Variants in ANKFN1 observed in about 807,000 individuals in gnomAD.
The protein encoded by ANKFN1 is ankyrin repeat and fibronectin type-III domain-containing protein 1.
ANKFN1 carries 74 observed loss-of-function variants against 108.7 expected under a neutral mutation model. The observed-to-expected ratio is 0.68, with a 90% CI of 0.56 to 0.83. The LOEUF (loss-of-function observed/expected upper bound fraction) is 0.83. Among genes scored for constraint, ANKFN1 ranks in the 40% least tolerant of loss-of-function variants. ANKFN1 has a pLI of 0.00. For missense variants in ANKFN1, 1,505 were observed against 1,382.3 expected (o/e 1.09, Z -1.41); for synonymous variants, 547 against 516.2 (o/e 1.06, Z -0.81).
intron 4 of ANKFN1, among the ~76,000 whole-genome samples, chr17:56,092,316 C>T (rs1447199409): frequency 7.1e-6 from 1 of 140,348 alleles, no homozygotes; most frequent in African/African-American, 2.7e-5. Flanking sequence ...GTCACCCAGG[C>T]TGGAGTGCAG....
At chr17:56,334,340 G>A (rs977891816) in intron 4 of ANKFN1, among the ~76,000 whole-genome samples, 2 of 150,834 alleles carry the variant, frequency 1.3e-5, no homozygotes, top group South Asian at 2.1e-4. Context: ...GGGGAGGGGG[G>A]AAAAGATTAC....
chr17:56,406,355 A>T (rs2047921666), intron 8 of ANKFN1, among the ~76,000 whole-genome samples: 2 of 152,188 alleles, frequency 1.3e-5, no homozygotes, highest in African/African-American at 4.8e-5. Context: ...AATTATTTCA[A>T]TTCTTTCAGG....
At chr17:56,050,859 C>T (rs1468839365) in intron 4 of ANKFN1, among the ~76,000 whole-genome samples, 1 of 151,650 alleles carries the variant, frequency 6.6e-6, no homozygotes, top group Admixed American at 6.6e-5. Flanking sequence ...TCTCCCAAGA[C>T]TAAACCAGGA....
At chr17:56,192,347 A>G (rs1160678821) in intron 1 of ANKFN1, among the ~76,000 whole-genome samples, 1 of 104,860 alleles carries the variant, frequency 9.5e-6, no homozygotes, top group African/African-American at 3.8e-5. Flanking sequence ...GTGGGCAAGG[A>G]CTTCATGTCC....
At chr17:56,138,931 A>G (rs1397910130) in intron 4 of ANKFN1, among the ~76,000 whole-genome samples, 1 of 152,180 alleles carries the variant, frequency 6.6e-6, no homozygotes, top group Admixed American at 6.5e-5. Flanking sequence ...TTAAGCACTC[A>G]TGAGTTCAAC....
intron 11 of ANKFN1, among the ~76,000 whole-genome samples, chr17:56,452,164 CA>C (rs1386410115): frequency 6.6e-6 from 1 of 152,156 alleles, no homozygotes; most frequent in Non-Finnish European, 1.5e-5. Context: ...ATTCAACTTG[CA>C]ATACAATAGT....
chr17:56,242,348 G>T (rs553792721), intron 3 of ANKFN1, among the ~76,000 whole-genome samples: 22 of 152,028 alleles, frequency 1.4e-4, no homozygotes, highest in African/African-American at 4.3e-4. Context: ...ATAACATATT[G>T]TATAATATAC....
chr17:56,407,640 C>T (rs1009417879), intron 8 of ANKFN1, among the ~76,000 whole-genome samples: 4 of 152,014 alleles, frequency 2.6e-5, no homozygotes, highest in South Asian at 2.1e-4. Context: ...AAAGGGAATC[C>T]GACCACTCCC....
At chr17:56,207,758 C>A (rs1266911919) in intron 1 of ANKFN1, among the ~76,000 whole-genome samples, 1 of 152,088 alleles carries the variant, frequency 6.6e-6, no homozygotes, top group Non-Finnish European at 1.5e-5. Flanking sequence ...TTTTCTTTCT[C>A]TTTCTCTTTG....
intron 1 of ANKFN1, among the ~76,000 whole-genome samples, chr17:56,177,128 G>A (rs1376269220): frequency 1.3e-5 from 2 of 152,186 alleles, no homozygotes; most frequent in East Asian, 1.9e-4. Flanking sequence ...TGAATGACAT[G>A]ATTCCAGCCT....
At chr17:56,256,612 A>G (rs548064530) in intron 3 of ANKFN1, among the ~76,000 whole-genome samples, 1 of 152,362 alleles carries the variant, frequency 6.6e-6, no homozygotes, top group East Asian at 1.9e-4. Flanking sequence ...ATGATTAATT[A>G]AAATAAACAT....
chr17:56,386,363 G>A (rs562494028), intron 8 of ANKFN1, among the ~76,000 whole-genome samples: 3 of 151,726 alleles, frequency 2.0e-5, no homozygotes, highest in South Asian at 2.1e-4. Flanking sequence ...GGAGATATAC[G>A]TAATGCTAAA....
At chr17:56,105,068 G>C (rs1051525896) in intron 4 of ANKFN1, among the ~76,000 whole-genome samples, 2 of 152,162 alleles carry the variant, frequency 1.3e-5, no homozygotes, top group African/African-American at 4.8e-5. Flanking sequence ...CATATAATGG[G>C]TGTACAGAGG....
chr17:56,350,988 C>A, intron 5 of ANKFN1, 21 bp downstream of exon 5: 1 of 1,606,468 alleles, frequency 6.2e-7, no homozygotes, highest in South Asian at 1.1e-5. Context: ...TGTTTTTATT[C>A]TTGTGTCAGT....
chr17:56,341,732 A>G (rs1049244358), intron 4 of ANKFN1, among the ~76,000 whole-genome samples: 2 of 150,826 alleles, frequency 1.3e-5, no homozygotes, highest in South Asian at 2.1e-4. Flanking sequence ...GGATTTTTGC[A>G]TCAATGTTCT....
intron 1 of ANKFN1, among the ~76,000 whole-genome samples, chr17:56,171,839 T>A (rs1910720235): frequency 6.6e-6 from 1 of 152,050 alleles, no homozygotes; most frequent in African/African-American, 2.4e-5. Context: ...TACCCTGAGG[T>A]CTTAAGGAAG....
At chr17:56,448,237 TAGAA>T (rs994011382) in intron 10 of ANKFN1, among the ~76,000 whole-genome samples, 5 of 150,042 alleles carry the variant, frequency 3.3e-5, no homozygotes, top group Admixed American at 1.3e-4. Context: ...GGAAAGAAAA[TAGAA>T]GGAAGAAGGG....
intron 1 of ANKFN1, among the ~76,000 whole-genome samples, chr17:56,196,758 A>T (rs887567215): frequency 3.3e-5 from 5 of 152,030 alleles, no homozygotes; most frequent in Admixed American, 3.3e-4. Context: ...AAAACAAAAA[A>T]TCCTGAGAAG....
intron 1 of ANKFN1, among the ~76,000 whole-genome samples, chr17:56,166,767 TTTTG>T (rs1910163572): frequency 6.6e-6 from 1 of 152,178 alleles, no homozygotes; most frequent in African/African-American, 2.4e-5. Flanking sequence ...CATAGTATTT[TTTTG>T]TTTAGTTATA....
Sources: gnomAD v4.1 joint callset for allele counts (sites outside exome capture counted in the v4.1 genomes callset) on GRCh38, gnomAD v4.1.1 for gene constraint, MANE v1.5 for transcripts, NCBI Gene and HGNC (gene_info 2026-07-23, HGNC 2026-07-21) for gene names.